Variants in BASP1 observed in about 807,000 individuals in gnomAD.
BASP1 encodes the protein brain abundant membrane attached signal protein 1.
Under a neutral mutation model 2.2 loss-of-function variants are expected in BASP1, and 1 was observed. The observed-to-expected ratio is 0.46, with a 90% CI of 0.16 to 2.17. The LOEUF is 2.17. Among genes scored for constraint, BASP1 ranks in the 30% most tolerant of loss-of-function variants. BASP1 has a pLI of 0.27. For missense variants in BASP1, 352 were observed against 327.2 expected, an observed-to-expected ratio of 1.08 and a Z score of -0.58; for synonymous variants, 187 against 154.2, an observed-to-expected ratio of 1.21 and a Z score of -1.58.
intron 1 of BASP1, among the ~76,000 whole-genome samples, chr5:17,231,465 TG>T (rs1408306689): frequency 6.6e-6 from 1 of 152,174 alleles, no homozygotes. Flanking sequence ...CCATTAAACC[TG>T]GAATAAAACA....
intron 1 of BASP1, among the ~76,000 whole-genome samples, chr5:17,221,430 T>G (rs1025410122): frequency 2.6e-5 from 4 of 151,682 alleles, no homozygotes; most frequent in Non-Finnish European, 5.9e-5. Context: ...TCAGAAGCAA[T>G]TGCCCTTGGT....
intron 1 of BASP1, among the ~76,000 whole-genome samples, chr5:17,274,271 A>G (rs1421537814): frequency 1.3e-5 from 2 of 152,202 alleles, no homozygotes; most frequent in Non-Finnish European, 2.9e-5. Context: ...ATACCTTGAA[A>G]TGAATTTATG....
Position 17,275,426 on chromosome 5 carries a change from G to A in BASP1, c.210G>A (p.Glu70=). Residue 70 remains glutamate, a synonymous_variant, in exon 2 of 2, where the codon GAG becomes GAA. Coordinates refer to ENST00000322611, the MANE Select transcript of BASP1 (RefSeq NM_006317.5). This position sits in a 1 kb window ranked among gnomAD's most constrained non-coding sequence, Gnocchi z 5.3. ...CCGAGGGCAAGGCCGAGGAGAAGGAGGGCGAGAAGGACGCGGCGGCTGCCA... is the reference window on the plus strand; with the variant it reads ...CCGAGGGCAAGGCCGAGGAGAAGGAAGGCGAGAAGGACGCGGCGGCTGCCA... ...QDAEGKAEEK[E]GEKDAAAAKE... 2 of 1,544,454 alleles carry A rather than the reference G, an allele frequency of 1.3e-6. No individual in the cohort carries two copies. Among genetic ancestry groups the A allele is most frequent in the Non-Finnish European group, 8.7e-7 (1 of 1,147,718 alleles).
chr5:17,275,786 G>A lies in BASP1; in HGVS notation c.570G>A (p.Thr190=), dbSNP rs759514967. ...CTTCCAAGGAGACCCCCGCAGCCAC[G>A]GAAGCGCCTAGTTCCACACCCAAGG... ...APSSKETPAA[T]EAPSSTPKAQ... Residue 190 remains threonine, a synonymous_variant, in exon 2 of 2, where the codon ACG becomes ACA. Transcript: ENST00000322611. The surrounding 1 kb of genome is among the most constrained non-coding windows in gnomAD (Gnocchi z 5.3). 10 of 1,612,994 alleles carry A rather than the reference G, an allele frequency of 6.2e-6. No individual in the cohort carries two copies. In the Admixed American group the frequency reaches 1.5e-4, roughly 24 times the overall value.
At chr5:17,250,683 T>C (rs1579493435) in intron 1 of BASP1, among the ~76,000 whole-genome samples, 1 of 152,078 alleles carries the variant, frequency 6.6e-6, no homozygotes, top group Non-Finnish European at 1.5e-5. Context: ...CGGCTCACTG[T>C]AAGCTCCACC....
At chr5:17,252,184 A>G (rs1740114562) in intron 1 of BASP1, among the ~76,000 whole-genome samples, 1 of 152,144 alleles carries the variant, frequency 6.6e-6, no homozygotes, top group Non-Finnish European at 1.5e-5. Context: ...TCATGATAAG[A>G]AACAGCTGTG....
chr5:17,226,763 G>A (rs772241947), intron 1 of BASP1, among the ~76,000 whole-genome samples: 30 of 152,138 alleles, frequency 2.0e-4, no homozygotes, highest in Admixed American at 4.6e-4. Flanking sequence ...AAATCAGATT[G>A]ACTTTAGATG....
chr5:17,259,523 A>G lies in BASP1; in HGVS notation c.-9-15685A>G, dbSNP rs191262316. On this transcript the variant is annotated intron_variant, in intron 1 of 1. Coordinates refer to ENST00000322611, the MANE Select transcript of BASP1 (RefSeq NM_006317.5). ...ATTCTTTGTTTAGTATGTCAAGGACATACATAAAGGATTTTAGATGGTTTT... is the reference window on the plus strand; with the variant it reads ...ATTCTTTGTTTAGTATGTCAAGGACGTACATAAAGGATTTTAGATGGTTTT... Among the ~76,000 whole-genome samples the G allele has an allele frequency of 6.2e-4, 95 of 152,372 alleles. 1 individual carries two copies. Among genetic ancestry groups the G allele is most frequent in the African/African-American group, 2.3e-3 (95 of 41,594 alleles).
intron 1 of BASP1, chr5:17,240,513 G>A (rs1427279715): frequency 6.6e-6 from 1 of 152,100 alleles, no homozygotes; most frequent in African/African-American, 2.4e-5. Flanking sequence ...TTCAGCCTGG[G>A]TGACAGAGTG....
chr5:17,219,988 G>A lies in BASP1; in HGVS notation c.-10+2178G>A, dbSNP rs367997900. ...CAGATGATCTATTTTCCAGGTTATG[G>A]CCATTTAGATTTATTTTCAGGTAGT... On this transcript the variant is annotated intron_variant, in intron 1 of 1. Transcript: ENST00000322611. Among the ~76,000 whole-genome samples the A allele has an allele frequency of 7.2e-4, 110 of 152,188 alleles. 3 individuals carry two copies. In the South Asian group the frequency reaches 0.022, roughly 31 times the overall value.
chr5:17,218,035 C>G (rs1031864284), intron 1 of BASP1, among the ~76,000 whole-genome samples: 1 of 151,280 alleles, frequency 6.6e-6, no homozygotes, highest in Non-Finnish European at 1.5e-5. Flanking sequence ...AGGCTTCAGC[C>G]GCTCGCATGG....
intron 1 of BASP1, among the ~76,000 whole-genome samples, chr5:17,267,127 C>T (rs924377720): frequency 6.6e-6 from 1 of 152,172 alleles, no homozygotes; most frequent in African/African-American, 2.4e-5. Context: ...TAGGCTGATA[C>T]TACTTAGCAT....
intron 1 of BASP1, among the ~76,000 whole-genome samples, chr5:17,253,376 A>G (rs1226469944): frequency 6.6e-6 from 1 of 151,978 alleles, no homozygotes; most frequent in East Asian, 1.9e-4. Context: ...ATGCCCAGCT[A>G]ATTCTTTGTA....
intron 1 of BASP1, among the ~76,000 whole-genome samples, chr5:17,271,482 G>A (rs753794278): frequency 1.3e-5 from 2 of 152,180 alleles, no homozygotes; most frequent in African/African-American, 2.4e-5. Context: ...GTCAGTTTTA[G>A]TGTTTGGTTA....
chr5:17,247,928 G>T (rs1463070127), intron 1 of BASP1, among the ~76,000 whole-genome samples: 2 of 152,168 alleles, frequency 1.3e-5, no homozygotes, highest in African/African-American at 4.8e-5. Context: ...TTGGTGACCA[G>T]AGAAATTGTG....
At chr5:17,254,820 CAG>C (rs1237514002) in intron 1 of BASP1, among the ~76,000 whole-genome samples, 2 of 152,136 alleles carry the variant, frequency 1.3e-5, no homozygotes, top group African/African-American at 4.8e-5. Context: ...AATATAAAAA[CAG>C]AGAGAATAAA....
At chr5:17,226,281 T>A (rs1177294664) in intron 1 of BASP1, among the ~76,000 whole-genome samples, 1 of 152,260 alleles carries the variant, frequency 6.6e-6, no homozygotes, top group African/African-American at 2.4e-5. Context: ...AAATACTTCT[T>A]TTTTAAGTTT....
At chr5:17,237,694 T>A (rs899196370) in intron 1 of BASP1, among the ~76,000 whole-genome samples, 1 of 146,328 alleles carries the variant, frequency 6.8e-6, no homozygotes, top group African/African-American at 2.5e-5. Flanking sequence ...CACTGTAACC[T>A]CCACCTCTTG....
At chr5:17,257,846 A>G (rs1477482008) in intron 1 of BASP1, among the ~76,000 whole-genome samples, 1 of 152,214 alleles carries the variant, frequency 6.6e-6, no homozygotes, top group Non-Finnish European at 1.5e-5. Context: ...AACCTTGAAC[A>G]ATGGAAGCTT....
Sources: allele counts gnomAD v4.1 joint callset (sites outside exome capture counted in the v4.1 genomes callset), GRCh38; gene constraint gnomAD v4.1.1; non-coding constraint Gnocchi (gnomAD v3.1); transcripts MANE v1.5; gene names NCBI Gene and HGNC (gene_info 2026-07-23, HGNC 2026-07-21).